Variants in AHDC1 observed in about 807,000 individuals in gnomAD.
AHDC1 encodes AT-hook DNA binding motif containing 1, also known as transcription factor Gibbin.
A neutral mutation model predicts 87.9 loss-of-function variants in AHDC1; 7 were observed. The ratio of observed to expected loss-of-function variants is 0.08; its 90% CI spans 0.05 to 0.15. AHDC1 has a LOEUF of 0.15. Among genes scored for constraint, AHDC1 ranks in the 10% least tolerant of loss-of-function variants. AHDC1 has a pLI of 1.00. For synonymous variants in AHDC1, 1,051 were observed against 1,006.8 expected (o/e 1.04, Z -0.83); for missense variants, 1,841 against 2,253.2 (o/e 0.82, Z 3.70).
intron 3 of AHDC1, among the ~76,000 whole-genome samples, chr1:27,601,715 C>T (rs573156638): frequency 6.6e-6 from 1 of 152,244 alleles, no homozygotes; most frequent in Admixed American, 6.5e-5. Context: ...CCTACCCCCC[C>T]ACCCCAGGTT....
At chr1:27,581,720 G>A (rs1010390719) in intron 3 of AHDC1, among the ~76,000 whole-genome samples, 3 of 152,140 alleles carry the variant, frequency 2.0e-5, no homozygotes, top group African/African-American at 7.2e-5. Context: ...CCATTCTCAT[G>A]ACTCTGCGTG....
rs1215569068 is a variant in AHDC1, at chr1:27,538,295, C to T, written c.*44-3379G>A. On this transcript the variant is annotated intron_variant, in intron 8 of 8. Coordinates refer to ENST00000673934, the MANE Select transcript of AHDC1 (RefSeq NM_001371928.1). ...CACACACCCTGTAACCCCAGCTACTCGGGAGGCCGAGGCATGAGAATTGCT... is the reference window on the plus strand; with the variant it reads ...CACACACCCTGTAACCCCAGCTACTTGGGAGGCCGAGGCATGAGAATTGCT... Among the ~76,000 whole-genome samples, 3 of 148,746 alleles carry T rather than the reference C, an allele frequency of 2.0e-5. 1 individual carries two copies. Among genetic ancestry groups the T allele is most frequent in the South Asian group, 4.3e-4 (2 of 4,604 alleles).
rs1571228661 is a variant in AHDC1, at chr1:27,548,320, T to A, written c.3796A>T (p.Thr1266Ser). 5 of 1,606,612 alleles carry A rather than the reference T, an allele frequency of 3.1e-6. No homozygotes were observed. The highest frequency in any genetic ancestry group is 3.4e-6 in the Non-Finnish European group (4 of 1,175,324). Reference sequence around the variant, plus strand: ...CCACCTCGCGGCTGCCGGGGCCCAGTGCTCCGTTTGGATGGGTAGCCTGAG... The same window carrying A: ...CCACCTCGCGGCTGCCGGGGCCCAGAGCTCCGTTTGGATGGGTAGCCTGAG... ...AASGYPSKRSTGPRQPRGGRG... is the reference protein window; with the variant it reads ...AASGYPSKRSSGPRQPRGGRG... The change falls in exon 8 of 9, where the codon ACT becomes TCT. Residue 1266 changes from threonine (T) to serine (S), a missense_variant. Transcript: ENST00000673934.
At chr1:27,568,785 C>A (rs1197348724) in intron 3 of AHDC1, among the ~76,000 whole-genome samples, 2 of 151,960 alleles carry the variant, frequency 1.3e-5, no homozygotes, top group South Asian at 2.1e-4. Context: ...CGGGCCGGGG[C>A]GCTCTTCGTG....
chr1:27,559,117 T>C (rs888632699), intron 3 of AHDC1, among the ~76,000 whole-genome samples: 1 of 151,708 alleles, frequency 6.6e-6, no homozygotes, highest in Non-Finnish European at 1.5e-5. Flanking sequence ...AGTGGCATGA[T>C]CATAGCTCAC....
intron 8 of AHDC1, among the ~76,000 whole-genome samples, chr1:27,537,783 T>G (rs1427940795): frequency 6.6e-6 from 1 of 152,108 alleles, no homozygotes. Flanking sequence ...GTCCTCATGC[T>G]CCGGTGGTTT....
intron 3 of AHDC1, among the ~76,000 whole-genome samples, chr1:27,592,341 A>C (rs1229834057): frequency 1.3e-5 from 2 of 151,790 alleles, no homozygotes; most frequent in African/African-American, 4.8e-5. Flanking sequence ...TCACCCACCC[A>C]GCTCGTCACC....
In AHDC1 at chr1:27,563,367, ACG is replaced by A. The variant is rs1186848984; in HGVS notation, c.-628-4486_-628-4485del. ...AAGACACACACACACACACACACAC[ACG>A]TGGGACAAGTCCCATCTTCCAGGTG... On this transcript the variant is annotated intron_variant, in intron 3 of 8. Transcript: ENST00000673934. This position sits in a 1 kb window ranked among gnomAD's most constrained non-coding sequence, Gnocchi z 6.1. Among the ~76,000 whole-genome samples, 3 of 151,510 alleles carry A rather than the reference ACG, an allele frequency of 2.0e-5. No individual in the cohort carries two copies. The highest frequency in any genetic ancestry group is 4.4e-5 in the Non-Finnish European group (3 of 67,890).
chr1:27,535,552 A>G (rs1425996500), intron 8 of AHDC1, among the ~76,000 whole-genome samples: 4 of 152,220 alleles, frequency 2.6e-5, no homozygotes, highest in African/African-American at 7.2e-5. Context: ...CACACAGCAC[A>G]GGTGTGAACA....
chr1:27,556,991 CCACAG>C (rs570616729), intron 5 of AHDC1, among the ~76,000 whole-genome samples: 7 of 150,678 alleles, frequency 4.6e-5, no homozygotes, highest in Non-Finnish European at 1.0e-4. Flanking sequence ...CAGGGCCCCC[CCACAG>C]CACAGCACAG....
intron 3 of AHDC1, among the ~76,000 whole-genome samples, chr1:27,576,218 T>G (rs2088742817): frequency 1.3e-5 from 2 of 151,926 alleles, no homozygotes; most frequent in Admixed American, 1.3e-4. Flanking sequence ...TAAATTGGGG[T>G]TGAGCTACCC....
rs1014075967 is a variant in AHDC1 at position 27,549,467 on chromosome 1, C to T, written c.2649G>A (p.Arg883=). 1.6e-5 allele frequency: 26 copies of T among 1,612,928 alleles called. No homozygotes were observed. The highest frequency in any genetic ancestry group is 2.0e-5 in the Non-Finnish European group (24 of 1,179,884). ...GPPTSALPAQ[R]GLATFPSRGA... ...CCCGGCTAGGGAAGGTGGCCAGGCC[C>T]CGCTGGGCAGGCAGGGCACTGGTGG... Residue 883 remains arginine, a synonymous_variant, in exon 8 of 9, where the codon CGG becomes CGA. Coordinates refer to ENST00000673934, the MANE Select transcript of AHDC1 (RefSeq NM_001371928.1).
intron 5 of AHDC1, among the ~76,000 whole-genome samples, chr1:27,556,141 G>A (rs1210890426): frequency 1.3e-5 from 2 of 152,030 alleles, no homozygotes; most frequent in Admixed American, 6.5e-5. Context: ...GCACAGTGCC[G>A]GGAAGCGCCA....
chr1:27,551,093 A>C lies in AHDC1; in HGVS notation c.1023T>G (p.Leu341=). 1 of 1,571,324 alleles carries C rather than the reference A, an allele frequency of 6.4e-7. No homozygotes were observed. The highest frequency in any genetic ancestry group is 1.1e-5 in the South Asian group (1 of 87,394). ...PQALDPLPKL[L]DVPGRRLEPQ... ...GCTCCAGACGGCGACCTGGGACGTCAAGCAGCTTGGGCAGGGGGTCGAGTG... is the reference window on the plus strand; with the variant it reads ...GCTCCAGACGGCGACCTGGGACGTCCAGCAGCTTGGGCAGGGGGTCGAGTG... Residue 341 remains leucine (L), a synonymous_variant, in exon 8 of 9, where the codon CTT becomes CTG. Coordinates refer to ENST00000673934, the MANE Select transcript of AHDC1 (RefSeq NM_001371928.1).
rs1295506342 is a variant in AHDC1, at chr1:27,563,226, C to T, written c.-628-4343G>A. ...CACACAGAACCTGTCACACAGCTGACCAAGACACACACACACGCACGCATG... is the reference window on the plus strand; with the variant it reads ...CACACAGAACCTGTCACACAGCTGATCAAGACACACACACACGCACGCATG... On this transcript the variant is annotated intron_variant, in intron 3 of 8. Transcript: ENST00000673934. The surrounding 1 kb of genome is among the most constrained non-coding windows in gnomAD (Gnocchi z 6.1). 6.6e-6 allele frequency among the ~76,000 whole-genome samples: 1 copy of T among 151,292 alleles called. No individual in the cohort carries two copies. The highest frequency in any genetic ancestry group is 1.5e-5 in the Non-Finnish European group (1 of 67,808).
intron 3 of AHDC1, among the ~76,000 whole-genome samples, chr1:27,569,373 C>T (rs1255029471): frequency 9.2e-5 from 14 of 152,144 alleles, no homozygotes; most frequent in Non-Finnish European, 1.5e-5. Flanking sequence ...GGAACTGAGG[C>T]TTGGGTAAAA....
At chr1:27,577,321 T>C (rs1571310083) in intron 3 of AHDC1, among the ~76,000 whole-genome samples, 1 of 152,216 alleles carries the variant, frequency 6.6e-6, no homozygotes, top group African/African-American at 2.4e-5. Context: ...GCCCTCTGAA[T>C]CTGTTCAGCT....
chr1:27,551,352 T>C lies in AHDC1; in HGVS notation c.764A>G (p.Glu255Gly). The change falls in exon 8 of 9, where the codon GAG becomes GGG. Residue 255 changes from glutamate to glycine, a missense_variant. By Grantham distance (98) the Glu-to-Gly change is moderately conservative (BLOSUM62 -2). This residue lies in a region of AHDC1 where 370 missense variants were observed against 391.5 expected (regional missense o/e 0.95). Transcript: ENST00000673934. ...GGCCTGGGCCTCTAGCAGCTGGGCC[T>C]CTGGGCAAGTGAGGGAGGCCAGCTC... is the stretch of plus-strand genomic sequence containing the variant. ...LSELASLTCP[E>G]AQLLEAQALE... 1.2e-6 allele frequency: 2 copies of C among 1,613,606 alleles called. No homozygotes were observed. The highest frequency in any genetic ancestry group is 1.7e-6 in the Non-Finnish European group (2 of 1,179,936).
chr1:27,545,014 C>T (rs781181038), intron 8 of AHDC1, among the ~76,000 whole-genome samples: 15 of 152,072 alleles, frequency 9.9e-5, no homozygotes, highest in South Asian at 2.1e-4. Context: ...TCCCTTCCTG[C>T]CTCCAGGCTT....
Sources: allele counts gnomAD v4.1 joint callset (sites outside exome capture counted in the v4.1 genomes callset), GRCh38; gene constraint gnomAD v4.1.1; regional missense constraint gnomAD v4.1.1; non-coding constraint Gnocchi (gnomAD v3.1); transcripts MANE v1.5; gene names NCBI Gene and HGNC (gene_info 2026-07-23, HGNC 2026-07-21).